Variants in CDH13 observed in about 807,000 individuals in gnomAD.
CDH13 encodes cadherin 13, also known as cadherin-13.
In CDH13, 24 loss-of-function variants were observed where a neutral mutation model predicts 63.8. That is an observed-to-expected ratio of 0.38 (90% CI 0.27 to 0.53). CDH13 has a LOEUF of 0.53. Among genes scored for constraint, CDH13 ranks in the 20% least tolerant of loss-of-function variants. The pLI, the probability that CDH13 is intolerant of heterozygous loss-of-function variation, is 0.85. For synonymous variants in CDH13, 503 were observed against 355.3 expected (o/e 1.42, Z -4.67); for missense variants, 1,049 against 903.1 (o/e 1.16, Z -2.07).
chr16:83,484,339 C>G (rs756663196), intron 6 of CDH13, among the ~76,000 whole-genome samples: 12 of 152,298 alleles, frequency 7.9e-5, no homozygotes, highest in Admixed American at 4.6e-4. Flanking sequence ...TAGACATCTG[C>G]GGCTTTGATC....
intron 1 of CDH13, among the ~76,000 whole-genome samples, chr16:82,653,630 G>A (rs867290295): frequency 6.6e-6 from 1 of 152,152 alleles, no homozygotes; most frequent in Non-Finnish European, 1.5e-5. Flanking sequence ...AGGGCTGCAG[G>A]GGTAGGAGGG....
chr16:83,560,934 G>A (rs891659130), intron 7 of CDH13, among the ~76,000 whole-genome samples: 13 of 151,984 alleles, frequency 8.6e-5, no homozygotes, highest in African/African-American at 2.9e-4. Flanking sequence ...GGGTTGGGCA[G>A]ATTAACCTGG....
At chr16:82,882,306 G>T (rs1196294752) in intron 2 of CDH13, among the ~76,000 whole-genome samples, 1 of 152,146 alleles carries the variant, frequency 6.6e-6, no homozygotes, top group African/African-American at 2.4e-5. Flanking sequence ...CTTCCAGCCT[G>T]GGTACTAATG....
intron 2 of CDH13, among the ~76,000 whole-genome samples, chr16:82,886,194 T>G (rs996081619): frequency 1.3e-5 from 2 of 152,242 alleles, no homozygotes; most frequent in African/African-American, 4.8e-5. Context: ...TCATTTAGAC[T>G]ATATCAAATT....
chr16:83,271,800 A>G (rs2088826344), intron 5 of CDH13, among the ~76,000 whole-genome samples: 1 of 152,204 alleles, frequency 6.6e-6, no homozygotes, highest in African/African-American at 2.4e-5. Context: ...ATTAACTACA[A>G]ATCAATTCCA....
intron 6 of CDH13, among the ~76,000 whole-genome samples, chr16:83,473,716 T>A (rs1335660151): frequency 2.0e-5 from 3 of 152,188 alleles, no homozygotes; most frequent in African/African-American, 7.2e-5. Context: ...AAATGTAATG[T>A]GAAATATCTG....
At chr16:83,008,165 A>G (rs1351249561) in intron 2 of CDH13, among the ~76,000 whole-genome samples, 2 of 152,210 alleles carry the variant, frequency 1.3e-5, no homozygotes, top group Admixed American at 1.3e-4. Context: ...GAGGCAGACA[A>G]TAAATAGTAT....
At chr16:83,320,288 C>T (rs1356865938) in intron 5 of CDH13, among the ~76,000 whole-genome samples, 2 of 152,054 alleles carry the variant, frequency 1.3e-5, no homozygotes, top group East Asian at 1.9e-4. Flanking sequence ...TCAAGTGATC[C>T]TTCCAACTCG....
chr16:83,531,770 G>A (rs2075088930), intron 7 of CDH13, among the ~76,000 whole-genome samples: 1 of 152,160 alleles, frequency 6.6e-6, no homozygotes, highest in Non-Finnish European at 1.5e-5. Context: ...GAAGCAGTGT[G>A]GCCCTGCGGC....
Position 83,542,240 on chromosome 16 carries a change from G to A in CDH13, c.960+55585G>A, listed in dbSNP as rs74357375. Among the ~76,000 whole-genome samples the A allele has an allele frequency of 3.4e-3, 522 of 152,308 alleles. 3 individuals are homozygous for A. The highest frequency in any genetic ancestry group is 0.012 in the African/African-American group (505 of 41,564). ...TTCTGAGCCTTGGTTGCACCTTAGA[G>A]TCACCCTATCAGAATTCCTATCAGA... On this transcript the variant is annotated intron_variant, in intron 7 of 13. Transcript: ENST00000567109.
At chr16:82,652,544 A>G (rs527557830) in intron 1 of CDH13, among the ~76,000 whole-genome samples, 3 of 152,298 alleles carry the variant, frequency 2.0e-5, no homozygotes, top group South Asian at 2.1e-4. Context: ...CTTCTGCTCC[A>G]GGAAGTGAGA....
At chr16:83,045,138 AT>A (rs1330789959) in intron 3 of CDH13, among the ~76,000 whole-genome samples, 1 of 152,208 alleles carries the variant, frequency 6.6e-6, no homozygotes, top group Admixed American at 6.5e-5. Context: ...TAGAGATTAA[AT>A]GACATAGAGT....
intron 7 of CDH13, among the ~76,000 whole-genome samples, chr16:83,577,212 A>G (rs1905142547): frequency 6.6e-6 from 1 of 152,208 alleles, no homozygotes; most frequent in Non-Finnish European, 1.5e-5. Flanking sequence ...GGATGTCTTC[A>G]TATAGGAAGG....
At chr16:83,425,443 C>T (rs974354101) in intron 6 of CDH13, among the ~76,000 whole-genome samples, 2 of 152,218 alleles carry the variant, frequency 1.3e-5, no homozygotes, top group African/African-American at 4.8e-5. Context: ...GGCCAGGGGC[C>T]AATTAATGAA....
intron 3 of CDH13, among the ~76,000 whole-genome samples, chr16:83,089,339 C>T (rs1469093615): frequency 6.6e-6 from 1 of 152,178 alleles, no homozygotes; most frequent in Non-Finnish European, 1.5e-5. Flanking sequence ...GATGTCATGG[C>T]CATATTGTTT....
chr16:83,078,265 T>A (rs914648068), intron 3 of CDH13, among the ~76,000 whole-genome samples: 2 of 152,172 alleles, frequency 1.3e-5, no homozygotes, highest in Non-Finnish European at 2.9e-5. Flanking sequence ...TGTTCTCTGT[T>A]CTGTAAACAA....
At chr16:83,778,509 GAC>G (rs909534297) in intron 11 of CDH13, among the ~76,000 whole-genome samples, 1 of 143,072 alleles carries the variant, frequency 7.0e-6, no homozygotes, top group African/African-American at 2.7e-5. Flanking sequence ...CAGCCTGGGT[GAC>G]AGAGTGAGAC....
intron 1 of CDH13, among the ~76,000 whole-genome samples, chr16:82,650,240 T>C (rs1910569737): frequency 6.6e-6 from 1 of 152,174 alleles, no homozygotes; most frequent in Non-Finnish European, 1.5e-5. Context: ...TGCATTTTTT[T>C]CTCCTTTTTG....
At chr16:83,789,023 T>C (rs1486600652) in intron 13 of CDH13, among the ~76,000 whole-genome samples, 1 of 152,366 alleles carries the variant, frequency 6.6e-6, no homozygotes, top group East Asian at 1.9e-4. Flanking sequence ...ATATTGTTCA[T>C]TTAAATGTTA....
Sources: gnomAD v4.1 joint callset for allele counts (sites outside exome capture counted in the v4.1 genomes callset) on GRCh38, gnomAD v4.1.1 for gene constraint, MANE v1.5 for transcripts, NCBI Gene and HGNC (gene_info 2026-07-23, HGNC 2026-07-21) for gene names.